WNT9B: variants seen among roughly 807,000 people sequenced by gnomAD.
WNT9B encodes Wnt family member 9B, also known as protein Wnt-9b.
In WNT9B, 12 loss-of-function variants were observed where a neutral mutation model predicts 30.2. The ratio of observed to expected loss-of-function variants is 0.40; its 90% confidence interval spans 0.26 to 0.64. WNT9B has a LOEUF of 0.64. WNT9B is among the 30% of genes least tolerant of loss of function. The pLI, the probability that WNT9B is intolerant of heterozygous loss-of-function variation, is 0.42. For synonymous variants in WNT9B, 218 were observed against 216.9 expected (o/e 1.01, Z -0.05); for missense variants, 442 against 485.2 (o/e 0.91, Z 0.84).
intron 1 of WNT9B, among the ~76,000 whole-genome samples, chr17:46,863,534 G>C (rs1377731449): frequency 6.6e-6 from 1 of 152,180 alleles, no homozygotes; most frequent in Non-Finnish European, 1.5e-5. Flanking sequence ...GAAAGAGGAT[G>C]GTTAGAGGGG....
At position 46,876,377 on chromosome 17, in the gene WNT9B, G is replaced by T. The variant is rs1200217714; in HGVS notation, c.733G>T (p.Ala245Ser). The change falls in exon 4 of 4, where the codon GCT becomes TCT. Residue 245 changes from alanine (A) to serine (S), a missense_variant. Ala to Ser is a moderately conservative substitution (Grantham distance 99). Coordinates refer to ENST00000290015, the MANE Select transcript of WNT9B (RefSeq NM_003396.3). ...GQVLKLRYDS[A>S]VKVSSATNEA... ...GGTGCTGAAACTGCGCTATGACTCGGCTGTCAAGGTGTCCAGTGCCACCAA... is the reference window on the plus strand; with the variant it reads ...GGTGCTGAAACTGCGCTATGACTCGTCTGTCAAGGTGTCCAGTGCCACCAA... The T allele has an allele frequency of 6.2e-7, 1 of 1,614,002 alleles. No homozygotes were observed. Among genetic ancestry groups the T allele is most frequent in the Non-Finnish European group, 8.5e-7 (1 of 1,180,052 alleles).
Position 46,878,348 on chromosome 17 carries a change from G to A in WNT9B, c.*1630G>A, listed in dbSNP as rs1159127840. Among the ~76,000 whole-genome samples the A allele has an allele frequency of 1.3e-5, 2 of 152,176 alleles. No homozygotes were observed. The highest frequency in any genetic ancestry group is 2.4e-5 in the African/African-American group (1 of 41,450). ...TGTGCCAGCTCCAGGACAAAGGCCC[G>A]CTGACTGTGCCCTGGCCAACTCCCT... is the stretch of plus-strand genomic sequence containing the variant. On this transcript the variant is annotated 3_prime_UTR_variant, in exon 4 of 4. Transcript: ENST00000290015.
downstream of WNT9B, among the ~76,000 whole-genome samples, chr17:46,881,508 C>T (rs957612679): frequency 5.9e-5 from 9 of 152,244 alleles, no homozygotes; most frequent in African/African-American, 1.7e-4. Context: ...TTACCAAAGG[C>T]TATATCGCTA....
chr17:46,849,918 G>C (rs1244956926), upstream of WNT9B, among the ~76,000 whole-genome samples: 1 of 149,812 alleles, frequency 6.7e-6, no homozygotes, highest in African/African-American at 2.5e-5. Flanking sequence ...CGTGATTTCG[G>C]CTCACTGCAA....
intron 1 of WNT9B, among the ~76,000 whole-genome samples, chr17:46,870,012 A>G (rs1422234548): frequency 6.6e-6 from 1 of 152,174 alleles, no homozygotes; most frequent in Non-Finnish European, 1.5e-5. Context: ...AAAAAATGTT[A>G]TATATCATGT....
chr17:46,862,942 G>T (rs977138789), intron 1 of WNT9B, among the ~76,000 whole-genome samples: 2 of 152,244 alleles, frequency 1.3e-5, no homozygotes, highest in African/African-American at 4.8e-5. Context: ...CTCGCTGGGT[G>T]TCACCAGGCT....
chr17:46,885,410 C>T (rs906359015), downstream of WNT9B: 1 of 162,960 alleles, frequency 6.1e-6, no homozygotes, highest in African/African-American at 2.4e-5. Flanking sequence ...TCAAGTGACT[C>T]TCTTGGCTCA....
intron 1 of WNT9B, among the ~76,000 whole-genome samples, chr17:46,862,683 A>G (rs2146571984): frequency 6.6e-6 from 1 of 152,252 alleles, no homozygotes; most frequent in South Asian, 2.1e-4. Context: ...CCCAGGTTCA[A>G]GGGATTCTCC....
Position 46,877,147 on chromosome 17 carries a change from C to T in WNT9B, c.*429C>T, listed in dbSNP as rs2085359411. The T allele has an allele frequency of 1.1e-6, 1 of 948,640 alleles. No individual in the cohort carries two copies. Among genetic ancestry groups the T allele is most frequent in the South Asian group, 4.9e-5 (1 of 20,590 alleles). 58.8% of individuals were successfully genotyped at this position (948,640 alleles called of 1,614,324 possible). On this transcript the variant is annotated 3_prime_UTR_variant, in exon 4 of 4. Transcript: ENST00000290015. The stretch of plus-strand genomic sequence containing the variant: ...GGAATGCCAAGGCAGGCAGTGCCAG[C>T]TGGAAGTGAAGGCGGGAGCCTGGCT...
At chr17:46,853,211 C>T (rs911250027) in intron 1 of WNT9B, among the ~76,000 whole-genome samples, 1 of 152,010 alleles carries the variant, frequency 6.6e-6, no homozygotes, top group African/African-American at 2.4e-5. Context: ...GTGCTCTTGG[C>T]CAAGTCACTT....
At chr17:46,854,151 G>A (rs1430153063) in intron 1 of WNT9B, among the ~76,000 whole-genome samples, 4 of 152,296 alleles carry the variant, frequency 2.6e-5, no homozygotes, top group South Asian at 2.1e-4. Flanking sequence ...GCCTCATGAT[G>A]TTAAGTGTTT....
intron 1 of WNT9B, among the ~76,000 whole-genome samples, chr17:46,863,841 G>C (rs1401004181): frequency 1.3e-5 from 2 of 152,128 alleles, no homozygotes; most frequent in South Asian, 4.1e-4. Flanking sequence ...TCCCAAGGGA[G>C]CCGCTCACAA....
intron 1 of WNT9B, among the ~76,000 whole-genome samples, chr17:46,868,467 G>T (rs1207833881): frequency 6.6e-6 from 1 of 152,022 alleles, no homozygotes; most frequent in African/African-American, 2.4e-5. Context: ...GTGGTGGCAC[G>T]TGCCCATAAT....
chr17:46,846,716 G>A (rs1304523025), upstream of WNT9B, among the ~76,000 whole-genome samples: 1 of 152,216 alleles, frequency 6.6e-6, no homozygotes, highest in Non-Finnish European at 1.5e-5. Flanking sequence ...GCCTTGAATA[G>A]GCAAGGGGCA....
chr17:46,873,080 G>A (rs976763167), intron 2 of WNT9B, among the ~76,000 whole-genome samples: 3 of 131,724 alleles, frequency 2.3e-5, no homozygotes, highest in Admixed American at 7.9e-5. Flanking sequence ...GTCTCCCTCT[G>A]CCTCTTCACA....
intron 1 of WNT9B, among the ~76,000 whole-genome samples, chr17:46,841,107 G>A (rs530349501): frequency 1.4e-4 from 22 of 152,264 alleles, no homozygotes; most frequent in Non-Finnish European, 2.2e-4. Context: ...AGAGGGTGCC[G>A]ACAGACAAGG....
At chr17:46,846,083 G>A (rs1214933136) in intron 1 of WNT9B, among the ~76,000 whole-genome samples, 3 of 152,136 alleles carry the variant, frequency 2.0e-5, no homozygotes, top group African/African-American at 2.4e-5. Context: ...GAACCACCGT[G>A]CCCGGCCATG....
rs886733407 is a variant in WNT9B, at chr17:46,876,494, A to G, written c.850A>G (p.Met284Val). Residue 284 changes from methionine (M) to valine (V), a missense_variant, in exon 4 of 4, where the codon ATG becomes GTG. Physicochemically the swap from Met to Val is conservative, Grantham distance 21 (BLOSUM62 1). Coordinates refer to ENST00000290015, the MANE Select transcript of WNT9B (RefSeq NM_003396.3). ...LAPRSGDLVY[M>V]EDSPSFCRPS... ...CCCAAGGTCTGGGGACCTGGTGTAC[A>G]TGGAGGACTCACCCAGCTTCTGCCG... The G allele has an allele frequency of 1.9e-5, 31 of 1,613,508 alleles. No homozygotes were observed. Among genetic ancestry groups the G allele is most frequent in the Non-Finnish European group, 2.2e-5 (26 of 1,180,030 alleles).
chr17:46,870,631 AGGGCACCTG>A (rs1374396561), intron 1 of WNT9B, among the ~76,000 whole-genome samples: 1 of 152,090 alleles, frequency 6.6e-6, no homozygotes, highest in Non-Finnish European at 1.5e-5. Flanking sequence ...GTGATTTCTG[AGGGCACCTG>A]GGGCCTGGCC....
Sources: gnomAD v4.1 joint callset for allele counts (sites outside exome capture counted in the v4.1 genomes callset) on GRCh38, gnomAD v4.1.1 for gene constraint, MANE v1.5 for transcripts, NCBI Gene and HGNC (gene_info 2026-07-23, HGNC 2026-07-21) for gene names.